The following TCF12 variants were observed in gnomAD, a reference collection of about 807,000 sequenced individuals.
The protein encoded by TCF12 is transcription factor 12, also known as DNA-binding protein HTF4.
Under a neutral mutation model 86.0 loss-of-function variants are expected in TCF12, and 45 were observed. That is an observed-to-expected ratio of 0.52 (90% CI 0.41 to 0.67). The LOEUF (loss-of-function observed/expected upper bound fraction) is 0.67. Among genes scored for constraint, TCF12 ranks in the 30% least tolerant of loss-of-function variants. TCF12 has a pLI of 0.00. For synonymous variants in TCF12, 330 were observed against 299.6 expected, an observed-to-expected ratio of 1.10 and a Z score of -1.05; for missense variants, 881 against 859.9, an observed-to-expected ratio of 1.02 and a Z score of -0.31.
chr15:57,095,936 G>A (rs966044171), intron 5 of TCF12, among the ~76,000 whole-genome samples: 9 of 152,254 alleles, frequency 5.9e-5, no homozygotes, highest in East Asian at 1.9e-4. Flanking sequence ...TAAGGCAGAG[G>A]ACAATTAAGT....
At chr15:57,139,529 T>G (rs2052800972) in intron 5 of TCF12, among the ~76,000 whole-genome samples, 1 of 152,120 alleles carries the variant, frequency 6.6e-6, no homozygotes, top group Admixed American at 6.5e-5. Context: ...CTGGAAAAAT[T>G]AATAGTATCA....
chr15:57,041,993 C>G (rs182502479), intron 3 of TCF12, among the ~76,000 whole-genome samples: 3 of 152,302 alleles, frequency 2.0e-5, no homozygotes, highest in Admixed American at 1.3e-4. Context: ...CCTGTAATTA[C>G]AATCCTTTCT....
chr15:56,964,026 A>G (rs560098244), intron 3 of TCF12, among the ~76,000 whole-genome samples: 4 of 152,340 alleles, frequency 2.6e-5, no homozygotes, highest in African/African-American at 9.6e-5. Flanking sequence ...AGCATTTAGT[A>G]TTAGCTTTAA....
chr15:57,251,244 T>C (rs755089974), intron 13 of TCF12, 106 bp from the exon 14 acceptor site: 16 of 915,718 alleles, frequency 1.7e-5, no homozygotes, highest in Non-Finnish European at 2.7e-5. Context: ...AACAAAAATA[T>C]TCATGTAAAT....
At chr15:57,167,529 C>G (rs560180681) in intron 6 of TCF12, among the ~76,000 whole-genome samples, 25 of 151,330 alleles carry the variant, frequency 1.7e-4, no homozygotes, top group African/African-American at 6.1e-4. Context: ...CCACTGCTCT[C>G]CAACCAGGGT....
At chr15:57,087,520 G>T (rs1208900351) in intron 4 of TCF12, among the ~76,000 whole-genome samples, 1 of 151,824 alleles carries the variant, frequency 6.6e-6, no homozygotes, top group East Asian at 1.9e-4. Flanking sequence ...TGTAGCAGGG[G>T]TTAACATTTC....
At chr15:57,096,525 A>G (rs1293348398) in intron 5 of TCF12, among the ~76,000 whole-genome samples, 1 of 152,154 alleles carries the variant, frequency 6.6e-6, no homozygotes, top group East Asian at 1.9e-4. Flanking sequence ...CCTTATATAT[A>G]TATATAAAAT....
intron 3 of TCF12, among the ~76,000 whole-genome samples, chr15:56,977,112 C>T (rs566502298): frequency 2.6e-4 from 40 of 152,194 alleles, no homozygotes; most frequent in African/African-American, 9.6e-4. Flanking sequence ...TAACAAATTA[C>T]TACAAAATGG....
At chr15:57,177,265 ATTTTT>A (rs3985739) in intron 6 of TCF12, among the ~76,000 whole-genome samples, 1 of 112,674 alleles carries the variant, frequency 8.9e-6, no homozygotes, top group Non-Finnish European at 1.9e-5. Context: ...GCAATAGACA[ATTTTT>A]TTTTTTTTTT....
chr15:56,921,237 G>C (rs2059777371), intron 3 of TCF12, 139 bp downstream of exon 3: 1 of 490,178 alleles, frequency 2.0e-6, no homozygotes, highest in East Asian at 3.8e-5. Context: ...TAATTAGTAA[G>C]ATTTATTAAT....
At chr15:57,256,363 A>G (rs1223489204) in intron 16 of TCF12, among the ~76,000 whole-genome samples, 1 of 152,036 alleles carries the variant, frequency 6.6e-6, no homozygotes. Context: ...GCACCCACCT[A>G]TATGGAATCA....
intron 3 of TCF12, among the ~76,000 whole-genome samples, chr15:56,982,709 A>C: frequency 6.6e-6 from 1 of 152,218 alleles, no homozygotes; most frequent in East Asian, 1.9e-4. Context: ...AAAATAGATT[A>C]AATAGAATCT....
chr15:57,225,036 T>G (rs2058801482), intron 8 of TCF12, among the ~76,000 whole-genome samples: 1 of 152,116 alleles, frequency 6.6e-6, no homozygotes, highest in African/African-American at 2.4e-5. Context: ...TGTCATTTGT[T>G]GAAATATTCT....
At chr15:57,119,524 G>C (rs2051083685) in intron 5 of TCF12, among the ~76,000 whole-genome samples, 1 of 146,116 alleles carries the variant, frequency 6.8e-6, no homozygotes, top group African/African-American at 2.6e-5. Context: ...AGACTCCGTA[G>C]TCAAGTATAA....
intron 7 of TCF12, among the ~76,000 whole-genome samples, chr15:57,195,919 G>A (rs1342686411): frequency 6.6e-6 from 1 of 152,184 alleles, no homozygotes; most frequent in African/African-American, 2.4e-5. Flanking sequence ...CAGGGGAATT[G>A]CTTGAGCCCA....
intron 5 of TCF12, among the ~76,000 whole-genome samples, chr15:57,098,824 G>A (rs188805503): frequency 2.5e-4 from 38 of 152,294 alleles, no homozygotes; most frequent in African/African-American, 8.7e-4. Flanking sequence ...TTGATTTGGA[G>A]CATGGGGGAC....
intron 3 of TCF12, among the ~76,000 whole-genome samples, chr15:56,997,508 A>G (rs905951413): frequency 6.6e-6 from 1 of 152,104 alleles, no homozygotes; most frequent in African/African-American, 2.4e-5. Flanking sequence ...AAAAATAACT[A>G]CTTATTAGAT....
At chr15:56,988,468 G>A (rs1373241490) in intron 3 of TCF12, among the ~76,000 whole-genome samples, 3 of 152,136 alleles carry the variant, frequency 2.0e-5, no homozygotes, top group African/African-American at 7.2e-5. Flanking sequence ...TATGTAGTCT[G>A]TTGTTGACCC....
chr15:57,233,501 A>G (rs1277535090), intron 11 of TCF12, among the ~76,000 whole-genome samples: 9 of 151,438 alleles, frequency 5.9e-5, no homozygotes, highest in African/African-American at 2.2e-4. Flanking sequence ...TTATTCATTT[A>G]TGTATTTATT....
Sources: allele counts gnomAD v4.1 joint callset (sites outside exome capture counted in the v4.1 genomes callset), GRCh38; gene constraint gnomAD v4.1.1; transcripts MANE v1.5; gene names NCBI Gene and HGNC (gene_info 2026-07-23, HGNC 2026-07-21).